ZRANB1: variants seen among roughly 807,000 people sequenced by gnomAD.
The protein encoded by ZRANB1 is ubiquitin thioesterase ZRANB1.
A neutral mutation model predicts 80.5 loss-of-function variants in ZRANB1; 16 were observed. The ratio of observed to expected loss-of-function variants is 0.20; its 90% CI spans 0.13 to 0.30. The LOEUF (loss-of-function observed/expected upper bound fraction) is 0.30, where lower values mean the gene tolerates loss of function less well. Among genes scored for constraint, ZRANB1 ranks in the 10% least tolerant of loss-of-function variants. The pLI is 1.00. For missense variants in ZRANB1, 576 were observed against 862.6 expected (o/e 0.67, Z 4.16); for synonymous variants, 291 against 293.1 (o/e 0.99, Z 0.07).
At chr10:124,940,562 T>A (rs1438469884), upstream of ZRANB1, 33 of 1,284,428 alleles carry the variant, frequency 2.6e-5, no homozygotes, top group Non-Finnish European at 3.1e-5. Flanking sequence ...GTGTGGTTTT[T>A]ATTTTAGCTA....
At chr10:124,961,185 G>T (rs566817023) in intron 1 of ZRANB1, among the ~76,000 whole-genome samples, 12 of 151,690 alleles carry the variant, frequency 7.9e-5, no homozygotes, top group South Asian at 2.1e-4. Flanking sequence ...TTTGTATTTT[G>T]AGTAGAGACA....
chr10:124,939,627 G>A (rs1951517663), upstream of ZRANB1, among the ~76,000 whole-genome samples: 1 of 152,126 alleles, frequency 6.6e-6, no homozygotes, highest in African/African-American at 2.4e-5. Context: ...AACAAGTATG[G>A]ATTTTGAATG....
chr10:124,926,748 A>G, the ZRANB1 span, among the ~76,000 whole-genome samples: 4 of 152,204 alleles, frequency 2.6e-5, no homozygotes, highest in Non-Finnish European at 5.9e-5. Context: ...TTTACATGCT[A>G]CACATAGCTA....
chr10:124,940,623 C>A, upstream of ZRANB1: 1 of 976,126 alleles, frequency 1.0e-6, no homozygotes, highest in Non-Finnish European at 1.4e-6. Context: ...TAGCAGAGTT[C>A]ACACTATAAA....
chr10:124,953,695 T>A (rs917719440), intron 1 of ZRANB1, among the ~76,000 whole-genome samples: 1 of 152,220 alleles, frequency 6.6e-6, no homozygotes, highest in Non-Finnish European at 1.5e-5. Context: ...TGGACAGTCC[T>A]TCAGTGTTTA....
chr10:124,961,272 C>T (rs909751819), intron 1 of ZRANB1, among the ~76,000 whole-genome samples: 1 of 152,178 alleles, frequency 6.6e-6, no homozygotes. Flanking sequence ...TCCCAAAGTG[C>T]TAGGATTACA....
chr10:124,923,334 C>T, the ZRANB1 span, among the ~76,000 whole-genome samples: 1 of 150,124 alleles, frequency 6.7e-6, no homozygotes, highest in Non-Finnish European at 1.5e-5. Context: ...TGGCTCATAC[C>T]TGTAATCCCA....
chr10:124,951,957 A>AAAAT (rs1198932172), intron 1 of ZRANB1, among the ~76,000 whole-genome samples: 2 of 152,278 alleles, frequency 1.3e-5, no homozygotes, highest in Admixed American at 6.5e-5. Context: ...ACTCTGTCTC[A>AAAAT]AAATAAATAA....
At chr10:124,969,124 A>G (rs1446533914) in intron 2 of ZRANB1, among the ~76,000 whole-genome samples, 1 of 152,232 alleles carries the variant, frequency 6.6e-6, no homozygotes, top group Non-Finnish European at 1.5e-5. Context: ...TGCTCATGAT[A>G]CAGCAGCTGG....
intron 1 of ZRANB1, 33 bp from the exon 2 acceptor site, chr10:124,966,561 T>A (rs1951778269): frequency 6.3e-7 from 1 of 1,593,552 alleles, no homozygotes; most frequent in Non-Finnish European, 8.6e-7. Context: ...AAAATGAGAA[T>A]TAAATGCTTT....
intron 1 of ZRANB1, chr10:124,945,945 C>G (rs1231673659): frequency 6.6e-6 from 1 of 152,070 alleles, no homozygotes; most frequent in Non-Finnish European, 1.5e-5. Flanking sequence ...TACCACCACG[C>G]CTGGCAAATT....
upstream of ZRANB1, among the ~76,000 whole-genome samples, chr10:124,940,135 T>C (rs142286250): frequency 4.7e-4 from 72 of 152,350 alleles, 1 homozygote; most frequent in East Asian, 9.4e-3. Flanking sequence ...TAGAACTGTG[T>C]ACACAGCACA....
At chr10:124,974,802 A>G (rs1951861635) in intron 5 of ZRANB1, among the ~76,000 whole-genome samples, 1 of 152,160 alleles carries the variant, frequency 6.6e-6, no homozygotes, top group South Asian at 2.1e-4. Context: ...TGATTGATTG[A>G]TTGATCCATC....
chr10:124,952,902 G>T (rs1407746344), intron 1 of ZRANB1, among the ~76,000 whole-genome samples: 1 of 151,906 alleles, frequency 6.6e-6, no homozygotes, highest in Non-Finnish European at 1.5e-5. Context: ...GAGCCACCAC[G>T]CCCAGCCCTA....
At chr10:124,925,791 G>C in the ZRANB1 span, among the ~76,000 whole-genome samples, 1 of 152,134 alleles carries the variant, frequency 6.6e-6, no homozygotes, top group African/African-American at 2.4e-5. Flanking sequence ...GGTTATCCCT[G>C]CATCATTTGT....
intron 2 of ZRANB1, among the ~76,000 whole-genome samples, chr10:124,968,844 G>A (rs562282620): frequency 1.3e-5 from 2 of 152,342 alleles, no homozygotes; most frequent in South Asian, 4.1e-4. Flanking sequence ...TCGAACATCA[G>A]TATATTTATT....
the ZRANB1 span, among the ~76,000 whole-genome samples, chr10:124,934,960 G>A: frequency 6.6e-6 from 1 of 152,202 alleles, no homozygotes; most frequent in Non-Finnish European, 1.5e-5. Context: ...TGTCTTGGAA[G>A]CCATGTGAGA....
At chr10:124,935,414 ACTT>A in the ZRANB1 span, among the ~76,000 whole-genome samples, 12 of 152,356 alleles carry the variant, frequency 7.9e-5, no homozygotes, top group Middle Eastern at 3.4e-3. Flanking sequence ...TTTGACTTCT[ACTT>A]CTTTGGCAAG....
rs1952052425 is a variant in ZRANB1 at position 124,986,680 on chromosome 10, A to ATAAG, written c.*1692_*1695dup. The ATAAG allele has an allele frequency of 6.6e-6, 1 of 152,200 alleles. No individual in the cohort carries two copies. Among genetic ancestry groups the ATAAG allele is most frequent in the Non-Finnish European group, 1.5e-5 (1 of 68,040 alleles). The allele number at this position is 152,200 out of a possible 1,614,324, so 9.4% of individuals were successfully genotyped here. A position where few individuals can be genotyped will look rare whatever the true frequency, so the allele number is the denominator to read the frequency against. On this transcript the variant is annotated 3_prime_UTR_variant, in exon 9 of 9. Coordinates refer to ENST00000359653, the MANE Select transcript of ZRANB1 (RefSeq NM_017580.3). ...TGGCTGTTTGCTTTCATTTTGGCCAATAAGTAATCAAGTTTGTAGAAAATG... is the reference window on the plus strand; with the variant it reads ...TGGCTGTTTGCTTTCATTTTGGCCAATAAGTAAGTAATCAAGTTTGTAGAAAATG...
Sources: gnomAD v4.1 joint callset for allele counts (sites outside exome capture counted in the v4.1 genomes callset) on GRCh38, gnomAD v4.1.1 for gene constraint, MANE v1.5 for transcripts, NCBI Gene and HGNC (gene_info 2026-07-23, HGNC 2026-07-21) for gene names.